Variants in STPG2 observed in about 807,000 individuals in gnomAD.
STPG2 encodes the protein sperm tail PG-rich repeat containing 2, also known as sperm-tail PG-rich repeat-containing protein 2.
STPG2 carries 56 observed loss-of-function variants against 54.2 expected under a neutral mutation model. That is an observed-to-expected ratio of 1.03 (90% CI 0.83 to 1.29). The LOEUF (loss-of-function observed/expected upper bound fraction) is 1.29, where lower values mean the gene tolerates loss of function less well. Among genes scored for constraint, STPG2 ranks in the 50% most tolerant of loss-of-function variants. The pLI is 0.00. For synonymous variants in STPG2, 200 were observed against 181.8 expected (o/e 1.10, Z -0.81); for missense variants, 596 against 544.9 (o/e 1.09, Z -0.93).
In STPG2 at chr4:97,861,398, T is replaced by A. The variant is rs529699486; in HGVS notation, c.1045-20466A>T. Among the ~76,000 whole-genome samples the A allele has an allele frequency of 3.9e-5, 6 of 152,240 alleles. No homozygotes were observed. In the South Asian group the frequency reaches 1.2e-3, roughly 32 times the overall value. On this transcript the variant is annotated intron_variant, in intron 8 of 10. Coordinates refer to ENST00000295268, the MANE Select transcript of STPG2 (RefSeq NM_174952.3). ...AGCCTTTGGCCACTGTTGGTGGGAA[T>A]GTAAATTAGTACAACCACTTTGGAG...
chr4:97,678,918 T>C (rs1393597260), intron 10 of STPG2, among the ~76,000 whole-genome samples: 1 of 152,094 alleles, frequency 6.6e-6, no homozygotes, highest in Non-Finnish European at 1.5e-5. Context: ...GAATGATGAT[T>C]TCCAATTTCA....
intron 10 of STPG2, among the ~76,000 whole-genome samples, chr4:97,582,389 A>G (rs1196641865): frequency 6.6e-6 from 1 of 152,078 alleles, no homozygotes; most frequent in Non-Finnish European, 1.5e-5. Context: ...TAAAAATGTC[A>G]TGGCAAGCAA....
At chr4:98,035,289 G>A (rs1736735637) in intron 5 of STPG2, among the ~76,000 whole-genome samples, 1 of 152,052 alleles carries the variant, frequency 6.6e-6, no homozygotes, top group South Asian at 2.1e-4. Context: ...GTGGGCAAAG[G>A]ATATGAACAG....
intron 9 of STPG2, among the ~76,000 whole-genome samples, chr4:97,810,011 T>C (rs139206739): frequency 1.3e-5 from 2 of 152,220 alleles, no homozygotes; most frequent in African/African-American, 4.8e-5. Flanking sequence ...TATCTTAAGA[T>C]GACTATTTGT....
intron 5 of STPG2, among the ~76,000 whole-genome samples, chr4:98,051,086 A>G (rs1737306842): frequency 6.6e-6 from 1 of 152,140 alleles, no homozygotes; most frequent in Admixed American, 6.5e-5. Flanking sequence ...CTCCCCATCA[A>G]CAGAAATCCA....
intron 8 of STPG2, among the ~76,000 whole-genome samples, chr4:97,940,446 G>T (rs778561748): frequency 6.6e-6 from 1 of 152,152 alleles, no homozygotes. Flanking sequence ...GTGATTCACA[G>T]ACTTGGCCTC....
chr4:97,543,107 A>G (rs2148863131), intron 4 of STPG2, among the ~76,000 whole-genome samples: 1 of 151,898 alleles, frequency 6.6e-6, no homozygotes, highest in East Asian at 1.9e-4. Flanking sequence ...CATGTACCCT[A>G]GAACTTAAGG....
chr4:97,737,750 G>C (rs1305450166), intron 9 of STPG2, among the ~76,000 whole-genome samples: 5 of 152,218 alleles, frequency 3.3e-5, no homozygotes, highest in African/African-American at 1.2e-4. Context: ...GTACCTGAAA[G>C]TGACGGGGAG....
intron 5 of STPG2, among the ~76,000 whole-genome samples, chr4:98,048,093 G>GTT (rs113449280): frequency 1.3e-5 from 2 of 151,846 alleles, no homozygotes; most frequent in South Asian, 2.1e-4. Context: ...CAAAAGTATG[G>GTT]TTTTTTTAAG....
chr4:97,758,003 AATT>A (rs889740873), intron 9 of STPG2, among the ~76,000 whole-genome samples: 1 of 152,194 alleles, frequency 6.6e-6, no homozygotes, highest in Non-Finnish European at 1.5e-5. Context: ...TTTTAATTAA[AATT>A]ATTATGGTTA....
intron 5 of STPG2, among the ~76,000 whole-genome samples, chr4:98,017,819 G>A (rs997029198): frequency 2.0e-5 from 3 of 151,894 alleles, no homozygotes; most frequent in Admixed American, 1.3e-4. Context: ...TGATAGTGAG[G>A]GAGTTCTCAT....
At chr4:98,075,408 C>G (rs1738131627) in intron 5 of STPG2, among the ~76,000 whole-genome samples, 1 of 152,174 alleles carries the variant, frequency 6.6e-6, no homozygotes, top group African/African-American at 2.4e-5. Flanking sequence ...TGTGAAACTG[C>G]TGGAAGATTT....
chr4:97,932,449 C>T (rs1222032375), intron 8 of STPG2, among the ~76,000 whole-genome samples: 1 of 152,064 alleles, frequency 6.6e-6, no homozygotes, highest in Non-Finnish European at 1.5e-5. Flanking sequence ...TGGCTTGCTG[C>T]ACCTATCTAC....
intron 7 of STPG2, among the ~76,000 whole-genome samples, chr4:97,945,047 CTT>C (rs1733149753): frequency 1.3e-5 from 2 of 152,104 alleles, no homozygotes; most frequent in African/African-American, 4.8e-5. Context: ...TGAAAAATAA[CTT>C]ATTTTTATAA....
chr4:98,010,472 A>C (rs1735711110), intron 5 of STPG2, among the ~76,000 whole-genome samples: 1 of 152,068 alleles, frequency 6.6e-6, no homozygotes, highest in Non-Finnish European at 1.5e-5. Context: ...ATTTGCATGG[A>C]TTATACTTTC....
chr4:97,905,939 A>G (rs192507800), intron 8 of STPG2, among the ~76,000 whole-genome samples: 296 of 152,312 alleles, frequency 1.9e-3, no homozygotes, highest in African/African-American at 7.0e-3. Context: ...TGACGCCCTA[A>G]CATCACAATT....
chr4:97,889,757 T>C (rs1329848725), intron 8 of STPG2, among the ~76,000 whole-genome samples: 1 of 152,164 alleles, frequency 6.6e-6, no homozygotes, highest in Non-Finnish European at 1.5e-5. Flanking sequence ...CCAAAAGATC[T>C]ATTGTATAAC....
chr4:97,686,547 G>T (rs1723194190), intron 10 of STPG2, among the ~76,000 whole-genome samples: 1 of 152,212 alleles, frequency 6.6e-6, no homozygotes, highest in African/African-American at 2.4e-5. Flanking sequence ...ATCCTGGAAT[G>T]CCAGCCTTCC....
rs139465213 is a variant in STPG2 at position 98,078,275 on chromosome 4, A to G, written c.612+27678T>C. The stretch of plus-strand genomic sequence containing the variant: ...TTATCATTATAATTTGGGAATTTTC[A>G]TAATATATTTTTCTTGGAAACTTAT... On this transcript the variant is annotated intron_variant, in intron 5 of 10. Coordinates refer to ENST00000295268, the MANE Select transcript of STPG2 (RefSeq NM_174952.3). 2.1e-3 allele frequency among the ~76,000 whole-genome samples: 324 copies of G among 152,270 alleles called. 6 individuals are homozygous for G. In the East Asian group the frequency reaches 0.032, roughly 15 times the overall value.
Sources: allele counts gnomAD v4.1 joint callset (sites outside exome capture counted in the v4.1 genomes callset), GRCh38; gene constraint gnomAD v4.1.1; transcripts MANE v1.5; gene names NCBI Gene and HGNC (gene_info 2026-07-23, HGNC 2026-07-21).